The following PDE8B variants were observed in gnomAD, a reference collection of about 807,000 sequenced individuals.
PDE8B encodes phosphodiesterase 8B.
In PDE8B, 26 loss-of-function variants were observed where a neutral mutation model predicts 101.3. The observed-to-expected ratio is 0.26, with a 90% CI of 0.19 to 0.36. The LOEUF is 0.36. Ranked by LOEUF, PDE8B falls within the 10% of genes least tolerant of loss-of-function variation. The pLI is 1.00. For synonymous variants in PDE8B, 424 were observed against 429.3 expected (o/e 0.99, Z 0.15); for missense variants, 810 against 1,163.1 (o/e 0.70, Z 4.42).
chr5:77,277,886 A>G (rs1232140836), intron 1 of PDE8B, among the ~76,000 whole-genome samples: 1 of 152,234 alleles, frequency 6.6e-6, no homozygotes, highest in East Asian at 1.9e-4. Flanking sequence ...AATACATTTC[A>G]CAGTTCCTTC....
chr5:77,281,286 A>G (rs947933745), intron 1 of PDE8B, among the ~76,000 whole-genome samples: 4 of 152,196 alleles, frequency 2.6e-5, no homozygotes, highest in African/African-American at 9.7e-5. Flanking sequence ...TGTTGTCTGG[A>G]TGCCTAGCTG....
chr5:77,329,090 G>A, intron 4 of PDE8B, 33 bp downstream of exon 4: 2 of 1,536,764 alleles, frequency 1.3e-6, no homozygotes, highest in Non-Finnish European at 9.0e-7. Flanking sequence ...GATGGAAGGA[G>A]TACTGTTCAT....
At chr5:77,226,599 T>C (rs752878351) in intron 1 of PDE8B, among the ~76,000 whole-genome samples, 4 of 152,242 alleles carry the variant, frequency 2.6e-5, no homozygotes, top group Non-Finnish European at 5.9e-5. Flanking sequence ...TTTAGTACAA[T>C]AGTGACATAA....
chr5:77,150,269 C>T, the PDE8B span, among the ~76,000 whole-genome samples: 1 of 152,118 alleles, frequency 6.6e-6, no homozygotes, highest in Non-Finnish European at 1.5e-5. Flanking sequence ...TCGATGGGAA[C>T]AGGATTTCAT....
At chr5:77,278,034 A>G (rs1257025518) in intron 1 of PDE8B, among the ~76,000 whole-genome samples, 2 of 152,142 alleles carry the variant, frequency 1.3e-5, no homozygotes, top group Admixed American at 1.3e-4. Context: ...TTTCCTGGGC[A>G]CCAAATGCTC....
At chr5:77,213,784 A>G (rs1169195587) in intron 1 of PDE8B, among the ~76,000 whole-genome samples, 3 of 151,796 alleles carry the variant, frequency 2.0e-5, no homozygotes, top group Non-Finnish European at 2.9e-5. Context: ...GGTATTCCCC[A>G]GAGTGCAAAA....
the PDE8B span, among the ~76,000 whole-genome samples, chr5:77,089,936 C>T: frequency 6.6e-6 from 1 of 152,166 alleles, no homozygotes; most frequent in East Asian, 1.9e-4. Context: ...GATATATATA[C>T]ACAATGGAAC....
chr5:77,093,348 A>G, the PDE8B span, among the ~76,000 whole-genome samples: 2 of 152,194 alleles, frequency 1.3e-5, no homozygotes, highest in Non-Finnish European at 2.9e-5. Context: ...GGTTTCATCA[A>G]CATGATCTAA....
intron 1 of PDE8B, among the ~76,000 whole-genome samples, chr5:77,245,981 G>T (rs1455232717): frequency 6.6e-6 from 1 of 151,504 alleles, no homozygotes; most frequent in African/African-American, 2.4e-5. Flanking sequence ...CTTCCAAGCA[G>T]CTGGGACCAC....
chr5:77,338,510 A>G, intron 6 of PDE8B, among the ~76,000 whole-genome samples: 1 of 152,346 alleles, frequency 6.6e-6, no homozygotes, highest in African/African-American at 2.4e-5. Flanking sequence ...GCCCTTGGTA[A>G]GAAATATTGC....
At chr5:77,099,594 G>T in the PDE8B span, among the ~76,000 whole-genome samples, 1 of 149,780 alleles carries the variant, frequency 6.7e-6, no homozygotes. Context: ...TGCTCCCCAG[G>T]GTGACCTTTT....
rs903263772 is a variant in PDE8B, at chr5:77,407,436, C to T, written c.1344C>T (p.Thr448=). The T allele has an allele frequency of 2.5e-6, 4 of 1,613,746 alleles. No individual in the cohort carries two copies. Among genetic ancestry groups the T allele is most frequent in the Non-Finnish European group, 3.4e-6 (4 of 1,179,726 alleles). The stretch of plus-strand genomic sequence containing the variant: ...CCATGGCGAGGATCCACTCCATGAC[C>T]ATCGAGGCTCCCATCACAAAGGTGA... ...YPSMARIHSM[T]IEAPITKVIN... is the part of the protein sequence containing the mutation. The change falls in exon 13 of 22, where the codon ACC becomes ACT. Residue 448 remains threonine (T), a synonymous_variant. Coordinates refer to ENST00000264917, the MANE Select transcript of PDE8B (RefSeq NM_003719.5).
At chr5:77,093,867 T>C in the PDE8B span, among the ~76,000 whole-genome samples, 1 of 152,090 alleles carries the variant, frequency 6.6e-6, no homozygotes, top group African/African-American at 2.4e-5. Flanking sequence ...CCTGAACAAA[T>C]GGGACCTTTT....
At chr5:77,088,524 T>A in the PDE8B span, 1 of 115,648 alleles carries the variant, frequency 8.6e-6, no homozygotes, top group Non-Finnish European at 1.8e-5. Flanking sequence ...AGGTTGGGGG[T>A]GTTTATTAGG....
At chr5:77,291,741 T>C in intron 1 of PDE8B, 1 of 1,589,450 alleles carries the variant, frequency 6.3e-7, no homozygotes, top group South Asian at 1.1e-5. Flanking sequence ...CATGAGAAGG[T>C]CTACTTGTAC....
the PDE8B span, chr5:77,151,190 A>G: frequency 6.6e-6 from 1 of 152,256 alleles, no homozygotes. Context: ...CTCCTGATTC[A>G]TTCATTCTGT....
At chr5:77,106,625 T>A in the PDE8B span, among the ~76,000 whole-genome samples, 2 of 152,136 alleles carry the variant, frequency 1.3e-5, no homozygotes, top group Admixed American at 6.6e-5. Context: ...GCTTGTCAAG[T>A]TTTTTAAAAA....
chr5:77,204,956 G>C, the PDE8B span, among the ~76,000 whole-genome samples: 1 of 152,230 alleles, frequency 6.6e-6, no homozygotes, highest in Admixed American at 6.5e-5. Context: ...ATGCTTTTGT[G>C]AAATATATTT....
chr5:77,269,128 C>T (rs781339663), intron 1 of PDE8B, among the ~76,000 whole-genome samples: 42 of 152,040 alleles, frequency 2.8e-4, no homozygotes, highest in East Asian at 1.2e-3. Context: ...GCCACATCCT[C>T]GCCAGCATTT....
Sources: allele counts gnomAD v4.1 joint callset (sites outside exome capture counted in the v4.1 genomes callset), GRCh38; gene constraint gnomAD v4.1.1; transcripts MANE v1.5; gene names NCBI Gene and HGNC (gene_info 2026-07-23, HGNC 2026-07-21).